SORCS2: variants seen among roughly 807,000 people sequenced by gnomAD.
SORCS2 encodes the protein sortilin related VPS10 domain containing receptor 2.
A neutral mutation model predicts 141.6 loss-of-function variants in SORCS2; 100 were observed. That is an observed-to-expected ratio of 0.71 (90% CI 0.60 to 0.83). SORCS2 has a LOEUF of 0.83. Ranked by LOEUF, SORCS2 falls within the 40% of genes least tolerant of loss-of-function variation. The pLI, the probability that SORCS2 is intolerant of heterozygous loss-of-function variation, is 0.00. For missense variants in SORCS2, 1,646 were observed against 1,560.2 expected (o/e 1.05, Z -0.93); for synonymous variants, 789 against 676.9 (o/e 1.17, Z -2.57).
chr4:7,690,146 G>A (rs1384865370), intron 11 of SORCS2, among the ~76,000 whole-genome samples: 1 of 151,192 alleles, frequency 6.6e-6, no homozygotes, highest in Non-Finnish European at 1.5e-5. Flanking sequence ...TGGATACGTG[G>A]ATGGGTGGGT....
intron 4 of SORCS2, among the ~76,000 whole-genome samples, chr4:7,640,259 T>C (rs1720618213): frequency 6.8e-6 from 1 of 146,828 alleles, no homozygotes; most frequent in South Asian, 2.2e-4. Flanking sequence ...TGAGTGTGTA[T>C]GTATGTGAGC....
chr4:7,512,734 C>T (rs979845668), intron 2 of SORCS2, among the ~76,000 whole-genome samples: 6 of 151,952 alleles, frequency 3.9e-5, no homozygotes, highest in African/African-American at 1.4e-4. Flanking sequence ...TCAGCCGCCT[C>T]CTCACTATGG....
chr4:7,520,930 C>T (rs1489855772), intron 2 of SORCS2, among the ~76,000 whole-genome samples: 1 of 152,220 alleles, frequency 6.6e-6, no homozygotes, highest in African/African-American at 2.4e-5. Flanking sequence ...CCACCCCAAC[C>T]CCTCTGGGGC....
intron 1 of SORCS2, among the ~76,000 whole-genome samples, chr4:7,388,770 C>T (rs537827392): frequency 1.1e-4 from 17 of 152,324 alleles, no homozygotes; most frequent in South Asian, 2.1e-4. Context: ...GCATCGGCTC[C>T]GACACATCCT....
rs1321462043 is a variant in SORCS2 at position 7,500,582 on chromosome 4, AAAG to A, written c.549-30947_549-30945del. Among the ~76,000 whole-genome samples the A allele has an allele frequency of 8.4e-3, 1,105 of 131,306 alleles. 24 individuals are homozygous for A. The highest frequency in any genetic ancestry group is 0.04 in the African/African-American group (1,057 of 26,120). The allele number at this position is 131,306 out of a possible 152,430, so 86.1% of individuals were successfully genotyped here. On this transcript the variant is annotated intron_variant, in intron 2 of 26. Coordinates refer to ENST00000507866, the MANE Select transcript of SORCS2 (RefSeq NM_020777.3). ...GTGCCGGCTGGAGAAATAACCACAG[AAAG>A]CACCAGTGTGCCGGCTGGAGAAATA...
chr4:7,624,131 A>G (rs897870170), intron 3 of SORCS2, among the ~76,000 whole-genome samples: 1 of 152,234 alleles, frequency 6.6e-6, no homozygotes, highest in Admixed American at 6.5e-5. Flanking sequence ...ATTTGTTACC[A>G]GTATTGCTGT....
At chr4:7,606,095 T>C (rs1354732308) in intron 3 of SORCS2, among the ~76,000 whole-genome samples, 2 of 152,128 alleles carry the variant, frequency 1.3e-5, no homozygotes, top group Non-Finnish European at 2.9e-5. Flanking sequence ...ATTCCGAGCA[T>C]TGAACATTTC....
rs192667834 is a variant in SORCS2 at position 7,201,225 on chromosome 4, G to A, written c.480+8099G>A. Among the ~76,000 whole-genome samples the A allele has an allele frequency of 4.9e-4, 75 of 152,350 alleles. No individual in the cohort carries two copies. The highest frequency in any genetic ancestry group is 1.7e-3 in the African/African-American group (72 of 41,578). Reference sequence around the variant, plus strand: ...TGAGAATATTAAGGCTGAAGGAGAGGCCTAGGGGCTGGAGCAGCCTGGAGC... The same window carrying A: ...TGAGAATATTAAGGCTGAAGGAGAGACCTAGGGGCTGGAGCAGCCTGGAGC... On this transcript the variant is annotated intron_variant, in intron 1 of 26. Coordinates refer to ENST00000507866, the MANE Select transcript of SORCS2 (RefSeq NM_020777.3). The surrounding 1 kb of genome is among the most constrained non-coding windows in gnomAD (Gnocchi z 4.4).
chr4:7,553,557 G>C (rs871943), intron 3 of SORCS2, among the ~76,000 whole-genome samples: 4,127 of 152,320 alleles, frequency 0.027, 184 homozygotes, highest in African/African-American at 0.093. Context: ...CCAGGGACTT[G>C]TCTTCAAATG....
chr4:7,235,841 G>A (rs1272771860), intron 1 of SORCS2, among the ~76,000 whole-genome samples: 1 of 152,194 alleles, frequency 6.6e-6, no homozygotes, highest in African/African-American at 2.4e-5. Flanking sequence ...GGATTCCCGG[G>A]CAGCTTATCG....
chr4:7,279,307 C>A (rs1267578011), intron 1 of SORCS2, among the ~76,000 whole-genome samples: 2 of 152,178 alleles, frequency 1.3e-5, no homozygotes, highest in East Asian at 3.8e-4. Context: ...AGATAAAATA[C>A]TTGCAGCGTT....
chr4:7,435,638 T>C (rs544169088), intron 2 of SORCS2, among the ~76,000 whole-genome samples: 2 of 152,264 alleles, frequency 1.3e-5, no homozygotes, highest in Non-Finnish European at 2.9e-5. Context: ...GTAGTAGGCG[T>C]AGATTAAATG....
chr4:7,281,278 C>T (rs995476123), intron 1 of SORCS2, among the ~76,000 whole-genome samples: 19 of 152,076 alleles, frequency 1.2e-4, no homozygotes, highest in Admixed American at 2.6e-4. Context: ...CATTCTCTCT[C>T]GGGGGGACCA....
intron 14 of SORCS2, among the ~76,000 whole-genome samples, chr4:7,706,845 G>A (rs1725502967): frequency 6.6e-6 from 1 of 151,888 alleles, no homozygotes; most frequent in Non-Finnish European, 1.5e-5. Flanking sequence ...GGACTCTGCA[G>A]GGCTAGAGTA....
In SORCS2 at chr4:7,641,904, G is replaced by A. The variant is rs141720651; in HGVS notation, c.813+3412G>A. Among the ~76,000 whole-genome samples the A allele has an allele frequency of 2.2e-3, 329 of 151,046 alleles. 2 individuals are homozygous for A. Among genetic ancestry groups the A allele is most frequent in the Non-Finnish European group, 3.9e-3 (262 of 67,804 alleles). ...GATGGGGATGGATGGATGGGTGGTT[G>A]GATGGATGTGTGGACAGATGGATGG... On this transcript the variant is annotated intron_variant, in intron 4 of 26. Coordinates refer to ENST00000507866, the MANE Select transcript of SORCS2 (RefSeq NM_020777.3).
intron 2 of SORCS2, among the ~76,000 whole-genome samples, chr4:7,445,540 G>C (rs11729650): frequency 6.6e-6 from 1 of 152,006 alleles, no homozygotes; most frequent in South Asian, 2.1e-4. Flanking sequence ...GAGCGGGGCC[G>C]AGGGGAAGCA....
chr4:7,580,522 G>C (rs532160533), intron 3 of SORCS2, among the ~76,000 whole-genome samples: 1 of 152,104 alleles, frequency 6.6e-6, no homozygotes, highest in Non-Finnish European at 1.5e-5. Flanking sequence ...TTTGCATAGT[G>C]ATCTACTTTT....
Position 7,392,156 on chromosome 4 carries a change from G to A in SORCS2, c.481-4132G>A, listed in dbSNP as rs191124296. Among the ~76,000 whole-genome samples, 109 of 152,330 alleles carry A rather than the reference G, an allele frequency of 7.2e-4. 1 individual carries two copies. The East Asian group carries it at 0.013, about 18-fold the overall frequency. ...GTCCTGGCTATCTGGAACACTCCAC[G>A]CTGTGGAACTCCTCGTGTGGGCTCT... On this transcript the variant is annotated intron_variant, in intron 1 of 26. Coordinates refer to ENST00000507866, the MANE Select transcript of SORCS2 (RefSeq NM_020777.3).
chr4:7,667,133 G>C lies in SORCS2; in HGVS notation c.1081G>C (p.Ala361Pro), dbSNP rs1019905948. 3.1e-6 allele frequency: 5 copies of C among 1,613,142 alleles called. No individual in the cohort carries two copies. The highest frequency in any genetic ancestry group is 4.2e-6 in the Non-Finnish European group (5 of 1,179,170). ...TTCTTCCCCCGGTTAGGCAACATCA[G>C]CAAACCAGACAAAATACTACGTCTC... Reference protein sequence around the residue: ...DDYIFFKATSANQTKYYVSYR... With the variant: ...DDYIFFKATSPNQTKYYVSYR... Residue 361 changes from alanine to proline, a missense_variant, in exon 8 of 27, where the codon GCA becomes CCA. By Grantham distance (27) the Ala-to-Pro change is conservative. Transcript: ENST00000507866.
Sources: gnomAD v4.1 joint callset for allele counts (sites outside exome capture counted in the v4.1 genomes callset) on GRCh38, gnomAD v4.1.1 for gene constraint, Gnocchi (gnomAD v3.1) non-coding constraint, MANE v1.5 for transcripts, NCBI Gene and HGNC (gene_info 2026-07-23, HGNC 2026-07-21) for gene names.